Variants in ATG4A observed in about 807,000 individuals in gnomAD.
ATG4A encodes autophagy related 4A cysteine peptidase.
A neutral mutation model predicts 38.4 loss-of-function variants in ATG4A; 22 were observed. The observed-to-expected ratio is 0.57, with a 90% confidence interval of 0.41 to 0.82. The LOEUF is 0.82. ATG4A is among the 40% of genes least tolerant of loss of function. ATG4A has a pLI of 0.00. For synonymous variants in ATG4A, 86 were observed against 100.7 expected (o/e 0.85, Z 0.88); for missense variants, 220 against 290.0 (o/e 0.76, Z 1.75).
At chrX:108,091,727 T>A, upstream of ATG4A, 1 of 1,105,649 alleles carries the variant, frequency 9.0e-7, no homozygotes, top group Non-Finnish European at 1.3e-6. Flanking sequence ...CTCACAGACT[T>A]GGCCCCTAGC....
chrX:108,131,389 A>G (rs1326236720), intron 4 of ATG4A, 31 bp downstream of exon 4: 1 of 1,163,080 alleles, frequency 8.6e-7, no homozygotes, highest in Admixed American at 2.2e-5. Flanking sequence ...AAACTTTCTC[A>G]GAGACCTCTG....
At chrX:108,140,919 C>CATATATACAT (rs1214842429) in intron 9 of ATG4A, among the ~76,000 whole-genome samples, 2 of 70,497 alleles carry the variant, frequency 2.8e-5, no homozygotes, top group African/African-American at 5.0e-5. Flanking sequence ...TGTACATATA[C>CATATATACAT]ATATATACAT....
chrX:108,092,297 C>G (rs1180467515), intron 1 of ATG4A, among the ~76,000 whole-genome samples: 1 of 111,920 alleles, frequency 8.9e-6, no homozygotes, highest in Non-Finnish European at 1.9e-5. Context: ...TGATGAGGGT[C>G]ATCTTAAGGA....
chrX:108,104,454 C>G (rs1316379868), intron 1 of ATG4A, among the ~76,000 whole-genome samples: 1 of 109,637 alleles, frequency 9.1e-6, no homozygotes. Flanking sequence ...TTTCTTTCAG[C>G]ACTTTGATTA....
intron 1 of ATG4A, among the ~76,000 whole-genome samples, chrX:108,104,981 G>A (rs2032129960): frequency 9.5e-6 from 1 of 105,809 alleles, no homozygotes; most frequent in Non-Finnish European, 1.9e-5. Context: ...TTTCTGTTTG[G>A]TTCTCTTTTA....
chrX:108,088,927 A>C (rs936383863), upstream of ATG4A: 1 of 802,557 alleles, frequency 1.2e-6, no homozygotes, highest in Admixed American at 2.8e-5. Context: ...GTGCTGGCAA[A>C]TCTATAGTTT....
chrX:108,142,603 G>A (rs2033331838), intron 9 of ATG4A, among the ~76,000 whole-genome samples: 1 of 110,744 alleles, frequency 9.0e-6, no homozygotes, highest in African/African-American at 3.3e-5. Flanking sequence ...GCAGGCTGAG[G>A]AGCAAGGAGA....
At chrX:108,117,703 AT>A (rs1470247391) in intron 1 of ATG4A, among the ~76,000 whole-genome samples, 2 of 112,111 alleles carry the variant, frequency 1.8e-5, no homozygotes, top group Non-Finnish European at 3.8e-5. Context: ...GATGTTTAGC[AT>A]TTTATTGTCA....
At chrX:108,115,161 G>T (rs747582927) in intron 1 of ATG4A, among the ~76,000 whole-genome samples, 19 of 108,166 alleles carry the variant, frequency 1.8e-4, no homozygotes, top group African/African-American at 6.1e-4. Context: ...GTACTGAGGG[G>T]TGGGATAAAT....
chrX:108,090,241 T>C (rs184488738), upstream of ATG4A, among the ~76,000 whole-genome samples: 21 of 112,227 alleles, frequency 1.9e-4, no homozygotes, highest in South Asian at 1.5e-3. Flanking sequence ...CCGGTCTGTA[T>C]TCAGATTGCC....
At chrX:108,097,170 A>G (rs1254661851) in intron 1 of ATG4A, among the ~76,000 whole-genome samples, 1 of 112,008 alleles carries the variant, frequency 8.9e-6, no homozygotes, top group Non-Finnish European at 1.9e-5. Flanking sequence ...CACAGAGGAG[A>G]GAAGTTACAT....
intron 1 of ATG4A, among the ~76,000 whole-genome samples, chrX:108,092,067 C>T (rs1253401115): frequency 9.0e-6 from 1 of 110,938 alleles, no homozygotes; most frequent in East Asian, 2.8e-4. Context: ...TACCCTCCCC[C>T]TCCCTGCCAC....
At chrX:108,115,681 A>G (rs1299361809) in intron 1 of ATG4A, among the ~76,000 whole-genome samples, 1 of 112,406 alleles carries the variant, frequency 8.9e-6, no homozygotes, top group Non-Finnish European at 1.9e-5. Flanking sequence ...TTTTAAAATC[A>G]TGAATAGAAG....
At chrX:108,090,054 C>T (rs2031558785), upstream of ATG4A, among the ~76,000 whole-genome samples, 2 of 111,818 alleles carry the variant, frequency 1.8e-5, no homozygotes, top group Non-Finnish European at 3.8e-5. Context: ...AAACATCTTG[C>T]CCTATTTGCT....
chrX:108,134,974 C>A lies in ATG4A; in HGVS notation c.467+563C>A, dbSNP rs183647999. ...TTGGAATCAGTTTGTCATCTCATAGCAGACTCAAGGTGTCCCAGTGTGGTA... is the reference window on the plus strand; with the variant it reads ...TTGGAATCAGTTTGTCATCTCATAGAAGACTCAAGGTGTCCCAGTGTGGTA... On this transcript the variant is annotated intron_variant, in intron 6 of 12. Transcript: ENST00000372232. Among the ~76,000 whole-genome samples, 3 of 111,976 alleles carry A rather than the reference C, an allele frequency of 2.7e-5. No homozygotes were observed. In the East Asian group the frequency reaches 8.4e-4, roughly 31 times the overall value.
intron 1 of ATG4A, among the ~76,000 whole-genome samples, chrX:108,124,911 CA>C (rs2032759795): frequency 1.8e-5 from 2 of 111,661 alleles, no homozygotes; most frequent in Non-Finnish European, 3.8e-5. Context: ...TGTAGTTGTA[CA>C]AATGGCCCCC....
intron 1 of ATG4A, among the ~76,000 whole-genome samples, chrX:108,109,914 A>G (rs752430495): frequency 9.0e-6 from 1 of 111,626 alleles, no homozygotes; most frequent in Non-Finnish European, 1.9e-5. Context: ...GAGTCCTCTA[A>G]CAATGTTCTT....
intron 10 of ATG4A, among the ~76,000 whole-genome samples, chrX:108,151,151 G>T (rs1047513133): frequency 8.9e-6 from 1 of 111,782 alleles, no homozygotes. Flanking sequence ...GAAGCTGCAG[G>T]ATTTTCCCCC....
chrX:108,140,558 C>A (rs776721723), intron 9 of ATG4A, among the ~76,000 whole-genome samples: 1 of 104,939 alleles, frequency 9.5e-6, no homozygotes, highest in Non-Finnish European at 1.9e-5. Flanking sequence ...TATACACACA[C>A]ACACACACAC....
Sources: gnomAD v4.1 joint callset for allele counts (sites outside exome capture counted in the v4.1 genomes callset) on GRCh38, gnomAD v4.1.1 for gene constraint, MANE v1.5 for transcripts, NCBI Gene and HGNC (gene_info 2026-07-23, HGNC 2026-07-21) for gene names.